ARMH4: variants seen among roughly 807,000 people sequenced by gnomAD.
The protein encoded by ARMH4 is armadillo-like helical domain-containing protein 4.
A neutral mutation model predicts 61.9 loss-of-function variants in ARMH4; 49 were observed. The observed-to-expected ratio is 0.79, with a 90% CI of 0.63 to 1.00. ARMH4 has a LOEUF of 1.00. ARMH4 is among the 50% of genes least tolerant of loss of function. The probability of loss-of-function intolerance (pLI) is 0.00; values close to 1 mark genes in which losing one functional copy is unlikely to be tolerated. For missense variants in ARMH4, 934 were observed against 930.0 expected (o/e 1.00, Z -0.06); for synonymous variants, 368 against 341.5 (o/e 1.08, Z -0.85).
At chr14:58,068,053 T>C (rs1884761212) in intron 5 of ARMH4, among the ~76,000 whole-genome samples, 1 of 152,186 alleles carries the variant, frequency 6.6e-6, no homozygotes, top group Admixed American at 6.6e-5. Context: ...GGATGTGACA[T>C]AGGTGCTAGG....
At chr14:58,047,050 A>G (rs1430014785) in intron 5 of ARMH4, among the ~76,000 whole-genome samples, 3 of 152,188 alleles carry the variant, frequency 2.0e-5, no homozygotes, top group Admixed American at 6.5e-5. Context: ...CTCAGATTAC[A>G]TGTACTGGAA....
At chr14:58,130,441 C>T (rs912670513) in intron 4 of ARMH4, among the ~76,000 whole-genome samples, 2 of 152,200 alleles carry the variant, frequency 1.3e-5, no homozygotes, top group Admixed American at 1.3e-4. Context: ...TCCTATGTCT[C>T]TTACTGCAGC....
intron 5 of ARMH4, among the ~76,000 whole-genome samples, chr14:58,052,300 G>C (rs1305175389): frequency 6.6e-6 from 1 of 152,106 alleles, no homozygotes; most frequent in Non-Finnish European, 1.5e-5. Context: ...CTGGACCCCA[G>C]TAGCTGGGTG....
At chr14:58,107,113 T>C (rs1014687743) in intron 4 of ARMH4, among the ~76,000 whole-genome samples, 3 of 152,228 alleles carry the variant, frequency 2.0e-5, no homozygotes, top group Non-Finnish European at 4.4e-5. Context: ...GCTCAGTTTC[T>C]CTAACTGCAT....
intron 4 of ARMH4, among the ~76,000 whole-genome samples, chr14:58,122,300 G>A (rs968593835): frequency 3.9e-5 from 6 of 152,144 alleles, no homozygotes; most frequent in African/African-American, 1.4e-4. Flanking sequence ...TTGCGTGCTA[G>A]AAGGACTAAG....
chr14:58,032,831 G>A (rs1422575071), intron 5 of ARMH4, among the ~76,000 whole-genome samples: 1 of 152,186 alleles, frequency 6.6e-6, no homozygotes, highest in Non-Finnish European at 1.5e-5. Context: ...CCTGAATATT[G>A]CGCTTTTCAG....
chr14:58,084,481 G>T (rs947954402), intron 5 of ARMH4, among the ~76,000 whole-genome samples: 2 of 152,174 alleles, frequency 1.3e-5, no homozygotes, highest in Admixed American at 1.3e-4. Flanking sequence ...AACCCAGGTG[G>T]TAGTTCACCC....
At position 58,012,155 on chromosome 14, in the gene ARMH4, GAA is replaced by G. The variant is rs3837616; in HGVS notation, c.2090-7_2090-6del. 2 of 1,346,766 alleles carry G rather than the reference GAA, an allele frequency of 1.5e-6. No homozygotes were observed. The highest frequency in any genetic ancestry group is 2.4e-5 in the East Asian group (1 of 41,448). 83.4% of individuals were successfully genotyped at this position (1,346,766 alleles called of 1,614,324 possible). A position where few individuals can be genotyped will look rare whatever the true frequency, so the allele number is the denominator to read the frequency against. ...ATTTTTCCATCCAGCTTCTCACTAG[GAA>G]AAAAATAAGATAATAAAATGAAATA... On this transcript the variant is annotated splice_polypyrimidine_tract_variant and splice_region_variant and intron_variant, in intron 5 of 7. Transcript: ENST00000267485.
At chr14:58,024,198 T>C (rs1291588127) in intron 5 of ARMH4, among the ~76,000 whole-genome samples, 5 of 152,210 alleles carry the variant, frequency 3.3e-5, no homozygotes, top group African/African-American at 1.2e-4. Flanking sequence ...CATCTTCCAA[T>C]ATAAGATTGT....
intron 6 of ARMH4, among the ~76,000 whole-genome samples, chr14:58,006,781 G>C (rs989371709): frequency 5.8e-5 from 7 of 120,560 alleles, no homozygotes; most frequent in Non-Finnish European, 8.4e-5. Flanking sequence ...GAGGGGGGAG[G>C]GACAGCATTA....
At position 58,001,261 on chromosome 14, in the gene ARMH4, T is replaced by G. The variant is rs1284911440; in HGVS notation, c.*3475A>C. On this transcript the variant is annotated 3_prime_UTR_variant, in exon 8 of 8. Transcript: ENST00000267485. ...TTTTCTTTATCCATTCATCTATTGA[T>G]AGATATTTGCATATCTATCAATGCA... 6.6e-6 allele frequency: 1 copy of G among 152,210 alleles called. No homozygotes were observed. 9.4% of individuals were successfully genotyped at this position (152,210 alleles called of 1,614,324 possible). A position where few individuals can be genotyped will look rare whatever the true frequency, so the allele number is the denominator to read the frequency against.
At chr14:58,086,756 A>G (rs1169759681) in intron 5 of ARMH4, among the ~76,000 whole-genome samples, 1 of 152,238 alleles carries the variant, frequency 6.6e-6, no homozygotes, top group Non-Finnish European at 1.5e-5. Flanking sequence ...GAGATAGTGC[A>G]GTGAATAGAA....
At chr14:58,151,481 C>T (rs553884537) in intron 1 of ARMH4, among the ~76,000 whole-genome samples, 7 of 152,252 alleles carry the variant, frequency 4.6e-5, no homozygotes, top group Non-Finnish European at 7.4e-5. Context: ...CAGCCGCGTC[C>T]TGGGGGACGA....
At chr14:58,030,501 T>A (rs1257007679) in intron 5 of ARMH4, among the ~76,000 whole-genome samples, 1 of 152,202 alleles carries the variant, frequency 6.6e-6, no homozygotes, top group African/African-American at 2.4e-5. Flanking sequence ...TCTTAACCAT[T>A]TTCAAGTATG....
At chr14:58,101,029 C>T in intron 4 of ARMH4, 1 of 181,158 alleles carries the variant, frequency 5.5e-6, no homozygotes, top group Non-Finnish European at 1.2e-5. Flanking sequence ...AGGCCCACAT[C>T]ACCTGCCGCC....
intron 4 of ARMH4, among the ~76,000 whole-genome samples, chr14:58,099,083 G>C (rs1885863701): frequency 6.6e-6 from 1 of 152,132 alleles, no homozygotes; most frequent in African/African-American, 2.4e-5. Context: ...CTGAAAACGG[G>C]ATCTAAAAGA....
At chr14:58,064,072 AG>A (rs1884623673) in intron 5 of ARMH4, among the ~76,000 whole-genome samples, 1 of 149,954 alleles carries the variant, frequency 6.7e-6, no homozygotes, top group Non-Finnish European at 1.5e-5. Context: ...TATCAACAAT[AG>A]GTTGAGCCAA....
At chr14:58,060,920 A>T (rs1300643397) in intron 5 of ARMH4, among the ~76,000 whole-genome samples, 1 of 152,146 alleles carries the variant, frequency 6.6e-6, no homozygotes, top group Admixed American at 6.5e-5. Flanking sequence ...TATTCTCCTT[A>T]TCTCTCACCC....
chr14:58,139,260 C>A lies in ARMH4; in HGVS notation c.99G>T (p.Arg33Ser), dbSNP rs370529338. 1.9e-6 allele frequency: 3 copies of A among 1,614,058 alleles called. No homozygotes were observed. In the African/African-American group the frequency reaches 4.0e-5, roughly 22 times the overall value. Residue 33 changes from arginine to serine, a missense_variant, in exon 2 of 8, where the codon AGG becomes AGT. Transcript: ENST00000267485. ...CATGAACATGTGCTATCTCCCTCCT[C>A]CTTTCTATTTTGGGGAAGGCCAGAC... is the stretch of plus-strand genomic sequence containing the variant. ...TQCLAFPKIE[R>S]RREIAHVHAE...
Sources: allele counts gnomAD v4.1 joint callset (sites outside exome capture counted in the v4.1 genomes callset), GRCh38; gene constraint gnomAD v4.1.1; transcripts MANE v1.5; gene names NCBI Gene and HGNC (gene_info 2026-07-23, HGNC 2026-07-21).